The following MTRF1L variants were observed in gnomAD, a reference collection of about 807,000 sequenced individuals.
MTRF1L encodes peptide chain release factor 1-like, mitochondrial.
In MTRF1L, 29 loss-of-function variants were observed where a neutral mutation model predicts 40.0. That is an observed-to-expected ratio of 0.73 (90% CI 0.54 to 0.99). The LOEUF is 0.99. MTRF1L is among the 50% of genes least tolerant of loss of function. The pLI is 0.00. For missense variants in MTRF1L, 412 were observed against 464.5 expected (o/e 0.89, Z 1.04); for synonymous variants, 150 against 175.8 (o/e 0.85, Z 1.16).
Position 153,002,661 on chromosome 6 carries a change from C to A in MTRF1L, c.25G>T (p.Ala9Ser), listed in dbSNP as rs1397191879. The A allele has an allele frequency of 9.3e-6, 14 of 1,501,752 alleles. No individual in the cohort carries two copies. Among genetic ancestry groups the A allele is most frequent in the African/African-American group, 1.4e-5 (1 of 70,630 alleles). 93.0% of individuals were successfully genotyped at this position (1,501,752 alleles called of 1,614,324 possible). A position where few individuals can be genotyped will look rare whatever the true frequency, so the allele number is the denominator to read the frequency against. Residue 9 changes from alanine to serine, a missense_variant, in exon 1 of 7, where the codon GCT (alanine) becomes TCT (serine). Physicochemically the swap from Ala to Ser is moderately conservative, Grantham distance 99. Transcript: ENST00000367233. MRSRVLWG[A>S]ARWLWPRRAV... ...CGGCGGGGCCAGAGCCACCGGGCAG[C>A]GCCCCACAGAACCCGGGACCGCATC...
intron 5 of MTRF1L, among the ~76,000 whole-genome samples, chr6:152,991,829 G>A (rs369029192): frequency 2.6e-5 from 4 of 152,184 alleles, no homozygotes; most frequent in East Asian, 1.9e-4. Flanking sequence ...GATTACAGGC[G>A]TGAGCCACCG....
chr6:152,999,940 GAAA>G, intron 1 of MTRF1L, among the ~76,000 whole-genome samples: 1 of 152,052 alleles, frequency 6.6e-6, no homozygotes, highest in East Asian at 1.9e-4. Flanking sequence ...GCAGAAAAAG[GAAA>G]AAAAGATTAA....
chr6:152,995,914 G>A (rs1232513248), intron 2 of MTRF1L, among the ~76,000 whole-genome samples: 1 of 152,138 alleles, frequency 6.6e-6, no homozygotes, highest in African/African-American at 2.4e-5. Context: ...GGCCAAGCAG[G>A]CACAAGAACA....
chr6:153,001,281 T>G (rs1453379389), intron 1 of MTRF1L, among the ~76,000 whole-genome samples: 4 of 152,208 alleles, frequency 2.6e-5, no homozygotes, highest in East Asian at 3.8e-4. Flanking sequence ...TTTTATAGCC[T>G]TCTTCTCTGC....
intron 1 of MTRF1L, among the ~76,000 whole-genome samples, chr6:153,002,069 C>G (rs756671690): frequency 2.6e-5 from 4 of 152,226 alleles, no homozygotes; most frequent in Admixed American, 6.5e-5. Flanking sequence ...CTGCTATTAA[C>G]AAGCACTGCC....
intron 1 of MTRF1L, among the ~76,000 whole-genome samples, chr6:153,001,904 A>G (rs879614849): frequency 3.3e-5 from 5 of 152,258 alleles, no homozygotes; most frequent in African/African-American, 1.2e-4. Context: ...TATAAAAAAT[A>G]AATCCAAATT....
rs1778950319 is a variant in MTRF1L, at chr6:153,002,348, G to C, written c.259+79C>G. Reference sequence around the variant, plus strand: ...CAAGTGAGTAAAGAGTTTCAAACTCGGGTAGTGTGGGCAGTGGAAAAGTCA... The same window carrying C: ...CAAGTGAGTAAAGAGTTTCAAACTCCGGTAGTGTGGGCAGTGGAAAAGTCA... On this transcript the variant is annotated intron_variant, in intron 1 of 6. Coordinates refer to ENST00000367233, the MANE Select transcript of MTRF1L (RefSeq NM_019041.7). 3 of 1,603,524 alleles carry C rather than the reference G, an allele frequency of 1.9e-6. No homozygotes were observed. The African/African-American group carries it at 4.0e-5, about 21-fold the overall frequency.
At chr6:153,002,055 A>G (rs892165657) in intron 1 of MTRF1L, among the ~76,000 whole-genome samples, 1 of 152,216 alleles carries the variant, frequency 6.6e-6, no homozygotes, top group Non-Finnish European at 1.5e-5. Context: ...TCTGAGTCCT[A>G]AGTCTGCTAT....
At chr6:152,999,989 T>C (rs1488506959) in intron 1 of MTRF1L, among the ~76,000 whole-genome samples, 3 of 152,208 alleles carry the variant, frequency 2.0e-5, no homozygotes, top group Non-Finnish European at 2.9e-5. Flanking sequence ...AAAACTGAGA[T>C]AAGCAAGTAC....
Position 152,998,819 on chromosome 6 carries a change from A to T in MTRF1L, c.260-190T>A, listed in dbSNP as rs186935441. 5.4e-5 allele frequency: 19 copies of T among 354,880 alleles called. No homozygotes were observed. The East Asian group carries it at 8.6e-4, about 16-fold the overall frequency. 22.0% of individuals were successfully genotyped at this position (354,880 alleles called of 1,614,324 possible). On this transcript the variant is annotated intron_variant, in intron 1 of 6. Transcript: ENST00000367233. ...CTTTCAATCAATTTCACCATTTTAT[A>T]CATTAGTTTTCATAAGCATGTAAGT...
rs3734467 is a variant in MTRF1L at position 152,995,191 on chromosome 6, A to G, written c.468T>C (p.Tyr156=). The G allele has an allele frequency of 0.12, 198,087 of 1,607,744 alleles. 12,635 individuals carry two copies. The highest frequency in any genetic ancestry group is 0.2 in the South Asian group (17,634 of 89,750). The change falls in exon 3 of 7, where the codon TAT becomes TAC. Residue 156 remains tyrosine (Y), a synonymous_variant. Coordinates refer to ENST00000367233, the MANE Select transcript of MTRF1L (RefSeq NM_019041.7). ...CAAAATGCCATCTTTTAAATGCAGC[A>G]TATTGCTGATACATATCAAATATCT... ...TSEIFDMYQQ[Y]AAFKRWHFET... is the part of the protein sequence containing the mutation.
At position 152,993,344 on chromosome 6, in the gene MTRF1L, G is replaced by GAA. The variant is rs75641486; in HGVS notation, c.688-372_688-371dup. Among the ~76,000 whole-genome samples, 4 of 150,576 alleles carry GAA rather than the reference G, an allele frequency of 2.7e-5. No homozygotes were observed. The South Asian group carries it at 8.4e-4, about 32-fold the overall frequency. On this transcript the variant is annotated intron_variant, in intron 4 of 6. Transcript: ENST00000367233. ...CTGAGTTTAAAGAGCCTAGCAGCAG[G>GAA]AAAAAAAAATGGTAGCGTGAGAACT...
Position 152,992,949 on chromosome 6 carries a change from T to G in MTRF1L, c.713A>C (p.Asp238Ala), listed in dbSNP as rs559175461. 1.1e-5 allele frequency: 18 copies of G among 1,613,436 alleles called. No individual in the cohort carries two copies. The South Asian group carries it at 2.0e-4, about 18-fold the overall frequency. ...TEINLVINPK[D>A]LRIDTKRASG... ...GGCTCGCTTAGTGTCAATTCTCAAA[T>G]CTTTCGGATTAATCACCAGATTAAT... Residue 238 changes from aspartate (D) to alanine (A), a missense_variant, in exon 5 of 7, where the codon GAT becomes GCT. Transcript: ENST00000367233.
chr6:153,002,360 CAGTGGA>C, intron 1 of MTRF1L, 61 bp downstream of exon 1: 1 of 1,610,898 alleles, frequency 6.2e-7, no homozygotes, highest in Non-Finnish European at 8.5e-7. Context: ...GTAGTGTGGG[CAGTGGA>C]AAAGTCAAAC....
At chr6:152,993,352 A>T (rs1267471398) in intron 4 of MTRF1L, among the ~76,000 whole-genome samples, 1 of 151,994 alleles carries the variant, frequency 6.6e-6, no homozygotes, top group African/African-American at 2.4e-5. Context: ...AGGAAAAAAA[A>T]ATGGTAGCGT....
In MTRF1L at chr6:153,002,641, G is replaced by C; in HGVS notation, c.45C>G (p.Pro15=). The C allele has an allele frequency of 6.6e-7, 1 of 1,517,044 alleles. No individual in the cohort carries two copies. The highest frequency in any genetic ancestry group is 8.8e-7 in the Non-Finnish European group (1 of 1,135,662). The allele number at this position is 1,517,044 out of a possible 1,614,324, so 94.0% of individuals were successfully genotyped here. The part of the protein sequence containing the change: ...VLWGAARWLW[P]RRAVGPARRP... ...GGCGGGCTGGGCCAACGGCCCGGCG[G>C]GGCCAGAGCCACCGGGCAGCGCCCC... The change falls in exon 1 of 7, where the codon CCC becomes CCG. Residue 15 remains proline (P), a synonymous_variant. Transcript: ENST00000367233.
intron 1 of MTRF1L, among the ~76,000 whole-genome samples, chr6:153,001,822 A>G (rs1160146377): frequency 6.6e-6 from 1 of 152,258 alleles, no homozygotes; most frequent in African/African-American, 2.4e-5. Context: ...TCCTCAGCGC[A>G]TGCCACCATT....
intron 2 of MTRF1L, 100 bp from the exon 3 acceptor site, chr6:152,995,419 G>T: frequency 9.1e-7 from 1 of 1,102,770 alleles, no homozygotes; most frequent in Non-Finnish European, 1.3e-6. Flanking sequence ...TTTAAGTTTC[G>T]CCAAGCAAAT....
intron 3 of MTRF1L, 128 bp downstream of exon 3, chr6:152,995,008 T>C: frequency 2.2e-6 from 2 of 909,886 alleles, no homozygotes; most frequent in Non-Finnish European, 1.6e-6. Context: ...TGCATTCAAA[T>C]TTATTAGGTA....
Sources: gnomAD v4.1 joint callset for allele counts (sites outside exome capture counted in the v4.1 genomes callset) on GRCh38, gnomAD v4.1.1 for gene constraint, MANE v1.5 for transcripts, NCBI Gene and HGNC (gene_info 2026-07-23, HGNC 2026-07-21) for gene names.